Variants in KIF16B observed in about 807,000 individuals in gnomAD.
KIF16B encodes kinesin-like protein KIF16B.
A neutral mutation model predicts 156.3 loss-of-function variants in KIF16B; 98 were observed. The observed-to-expected ratio is 0.63, with a 90% CI of 0.53 to 0.74. The LOEUF (loss-of-function observed/expected upper bound fraction) is 0.74. Among genes scored for constraint, KIF16B ranks in the 30% least tolerant of loss-of-function variants. KIF16B has a pLI of 0.00. For missense variants in KIF16B, 1,421 were observed against 1,606.5 expected (o/e 0.88, Z 1.97); for synonymous variants, 564 against 583.7 (o/e 0.97, Z 0.49).
intron 15 of KIF16B, among the ~76,000 whole-genome samples, chr20:16,417,229 T>C (rs75994793): frequency 0.031 from 4,734 of 152,234 alleles, 97 homozygotes; most frequent in Non-Finnish European, 0.047. Context: ...TGTGTACACG[T>C]GGATCTGATC....
intron 12 of KIF16B, among the ~76,000 whole-genome samples, chr20:16,457,847 C>A (rs760347428): frequency 4.6e-5 from 7 of 151,874 alleles, no homozygotes; most frequent in Non-Finnish European, 8.8e-5. Flanking sequence ...GCACACTGGT[C>A]CAAGATCACA....
intron 4 of KIF16B, among the ~76,000 whole-genome samples, chr20:16,513,145 G>GGTT (rs2069014346): frequency 6.6e-6 from 1 of 152,002 alleles, no homozygotes; most frequent in African/African-American, 2.4e-5. Flanking sequence ...GATAATATAC[G>GGTT]GTTATCAGTT....
In KIF16B at chr20:16,573,379, GCCCC is replaced by G; in HGVS notation, c.-108_-105del. 1.6e-6 allele frequency: 2 copies of G among 1,254,344 alleles called. No homozygotes were observed. Among genetic ancestry groups the G allele is most frequent in the Non-Finnish European group, 2.2e-6 (2 of 891,976 alleles). The allele number at this position is 1,254,344 out of a possible 1,614,324, so 77.7% of individuals were successfully genotyped here. A position where few individuals can be genotyped will look rare whatever the true frequency, so the allele number is the denominator to read the frequency against. ...CGCGGCTCCCGCCCACTTCCCTCTC[GCCCC>G]CGCCCCTCTGCTCCCGGCCGGACCT... On this transcript the variant is annotated 5_prime_UTR_variant, in exon 1 of 26. It removes the in-frame stop codon of an upstream open reading frame in the 5' UTR. Coordinates refer to ENST00000354981, the MANE Select transcript of KIF16B (RefSeq NM_024704.5).
At chr20:16,276,815 C>T (rs2063068558) in intron 25 of KIF16B, among the ~76,000 whole-genome samples, 1 of 152,216 alleles carries the variant, frequency 6.6e-6, no homozygotes, top group Non-Finnish European at 1.5e-5. Flanking sequence ...TGGAACACTG[C>T]CAAGCTTAGG....
At chr20:16,275,799 C>T (rs916199490) in intron 25 of KIF16B, among the ~76,000 whole-genome samples, 5 of 152,110 alleles carry the variant, frequency 3.3e-5, no homozygotes, top group Admixed American at 6.5e-5. Flanking sequence ...CACTTTTCTG[C>T]GGGAAGGGAC....
intron 23 of KIF16B, among the ~76,000 whole-genome samples, chr20:16,350,794 G>T (rs557301042): frequency 6.6e-6 from 1 of 151,778 alleles, no homozygotes; most frequent in South Asian, 2.1e-4. Context: ...CGCCAGACAG[G>T]CTGTGCCTAA....
intron 12 of KIF16B, among the ~76,000 whole-genome samples, chr20:16,484,093 A>G (rs2068053361): frequency 6.6e-6 from 1 of 152,236 alleles, no homozygotes; most frequent in Non-Finnish European, 1.5e-5. Context: ...GCAAAAGATC[A>G]GAAGGAAAAT....
rs113572310 is a variant in KIF16B, at chr20:16,445,814, GC to G, written c.1303-15833del. Among the ~76,000 whole-genome samples the G allele has an allele frequency of 4.4e-3, 677 of 152,298 alleles. 3 individuals carry two copies. Among genetic ancestry groups the G allele is most frequent in the Middle Eastern group, 0.024 (7 of 294 alleles). ...AAGGCAACCATTGAGAAACTTCAGTGCAATTTGACAGAGTAATTTTATAAAC... is the reference window on the plus strand; with the variant it reads ...AAGGCAACCATTGAGAAACTTCAGTGAATTTGACAGAGTAATTTTATAAAC... On this transcript the variant is annotated intron_variant, in intron 12 of 25. Transcript: ENST00000354981.
chr20:16,436,113 G>C (rs933208778), intron 12 of KIF16B, among the ~76,000 whole-genome samples: 5 of 151,862 alleles, frequency 3.3e-5, no homozygotes, highest in African/African-American at 1.2e-4. Context: ...CATAGCTATA[G>C]TTATGTTTAT....
At chr20:16,348,578 A>T (rs1188815364) in intron 23 of KIF16B, among the ~76,000 whole-genome samples, 1 of 152,234 alleles carries the variant, frequency 6.6e-6, no homozygotes, top group Non-Finnish European at 1.5e-5. Flanking sequence ...CAGTGCATGG[A>T]TGTTCAGCGA....
chr20:16,423,698 G>C (rs1276950415), intron 15 of KIF16B, among the ~76,000 whole-genome samples: 1 of 152,084 alleles, frequency 6.6e-6, no homozygotes. Flanking sequence ...CCTGGGAAAA[G>C]AGGACAGTCC....
intron 1 of KIF16B, among the ~76,000 whole-genome samples, chr20:16,553,633 G>A (rs1410052696): frequency 3.3e-5 from 5 of 152,192 alleles, no homozygotes; most frequent in African/African-American, 7.2e-5. Flanking sequence ...GACACCTACT[G>A]TACTTTACTA....
intron 1 of KIF16B, among the ~76,000 whole-genome samples, chr20:16,536,490 C>A (rs902692746): frequency 6.6e-6 from 1 of 152,142 alleles, no homozygotes; most frequent in Non-Finnish European, 1.5e-5. Context: ...GAAAAGAGGA[C>A]TTGAAATGTA....
At chr20:16,517,558 G>A (rs1185841789) in intron 3 of KIF16B, among the ~76,000 whole-genome samples, 1 of 152,184 alleles carries the variant, frequency 6.6e-6, no homozygotes, top group Admixed American at 6.5e-5. Context: ...AGCTGGGACT[G>A]CATGCAGGAC....
chr20:16,389,824 G>A (rs548079577), intron 17 of KIF16B, among the ~76,000 whole-genome samples: 1 of 152,294 alleles, frequency 6.6e-6, no homozygotes, highest in South Asian at 2.1e-4. Context: ...CATCCATCAG[G>A]TTTCCAGCTC....
At chr20:16,317,078 C>T (rs998231636) in intron 24 of KIF16B, among the ~76,000 whole-genome samples, 11 of 152,302 alleles carry the variant, frequency 7.2e-5, no homozygotes, top group African/African-American at 2.6e-4. Flanking sequence ...TGATTTCTCA[C>T]GTTAAATAAA....
chr20:16,441,948 T>A (rs1166431251), intron 12 of KIF16B, among the ~76,000 whole-genome samples: 1 of 152,196 alleles, frequency 6.6e-6, no homozygotes, highest in Admixed American at 6.5e-5. Context: ...TATGGAAAGA[T>A]CTATCTATAT....
chr20:16,389,841 G>A (rs1005662539), intron 17 of KIF16B, among the ~76,000 whole-genome samples: 2 of 152,170 alleles, frequency 1.3e-5, no homozygotes, highest in African/African-American at 4.8e-5. Context: ...GCTCTTCATG[G>A]AAAGGCCTTG....
chr20:16,275,054 A>ATTT (rs2063040242), intron 25 of KIF16B, among the ~76,000 whole-genome samples: 1 of 139,670 alleles, frequency 7.2e-6, no homozygotes. Context: ...GATAAATTGT[A>ATTT]CTTTTTTTTT....
Sources: gnomAD v4.1 joint callset for allele counts (sites outside exome capture counted in the v4.1 genomes callset) on GRCh38, gnomAD v4.1.1 for gene constraint, MANE v1.5 for transcripts, NCBI Gene and HGNC (gene_info 2026-07-23, HGNC 2026-07-21) for gene names.